ANKHD1: variants seen among roughly 807,000 people sequenced by gnomAD.
The protein encoded by ANKHD1 is ankyrin repeat and KH domain containing 1.
Under a neutral mutation model 230.5 loss-of-function variants are expected in ANKHD1, and 31 were observed. The observed-to-expected ratio is 0.13, with a 90% confidence interval of 0.10 to 0.18. The LOEUF (loss-of-function observed/expected upper bound fraction) is 0.18, where lower values mean the gene tolerates loss of function less well. Ranked by LOEUF, ANKHD1 falls within the 10% of genes least tolerant of loss-of-function variation. The pLI is 1.00. For missense variants in ANKHD1, 2,256 were observed against 3,071.3 expected, an observed-to-expected ratio of 0.73 and a Z score of 6.27; for synonymous variants, 1,074 against 1,117.6, an observed-to-expected ratio of 0.96 and a Z score of 0.78.
chr5:140,459,113 TTTA>T, intron 8 of ANKHD1, 48 bp from the exon 9 acceptor site: 1 of 1,386,858 alleles, frequency 7.2e-7, no homozygotes. Flanking sequence ...AATTAATATC[TTTA>T]TTATAAGTCT....
chr5:140,508,154 T>C (rs920494073), intron 20 of ANKHD1, among the ~76,000 whole-genome samples, 156 bp downstream of exon 20: 7 of 152,216 alleles, frequency 4.6e-5, no homozygotes, highest in African/African-American at 1.7e-4. Flanking sequence ...GTGAGTGACA[T>C]ACTGTCACCA....
At chr5:140,403,837 G>A (rs977436550) in intron 1 of ANKHD1, among the ~76,000 whole-genome samples, 7 of 152,138 alleles carry the variant, frequency 4.6e-5, no homozygotes, top group Non-Finnish European at 8.8e-5. Context: ...ATTTCTCTGT[G>A]TGTACTAACA....
chr5:140,441,027 T>G lies in ANKHD1; in HGVS notation c.798T>G (p.Asp266Glu). ...VLLAMHANVE[D>E]RGNKGDITPL... ...TTGCTATGCATGCTAATGTTGAAGATCGAGGGAATAAAGGAGACATAACTC... is the reference window on the plus strand; with the variant it reads ...TTGCTATGCATGCTAATGTTGAAGAGCGAGGGAATAAAGGAGACATAACTC... Residue 266 changes from aspartate (D) to glutamate (E), a missense_variant, in exon 5 of 34, where the codon GAT becomes GAG. Coordinates refer to ENST00000360839, the MANE Select transcript of ANKHD1 (RefSeq NM_017747.3). The G allele has an allele frequency of 6.2e-7, 1 of 1,610,496 alleles. No individual in the cohort carries two copies. Among genetic ancestry groups the G allele is most frequent in the Non-Finnish European group, 8.5e-7 (1 of 1,178,824 alleles).
At chr5:140,499,447 GAATTTTACTTTAGAAGTA>G (rs1454986243) in intron 15 of ANKHD1, among the ~76,000 whole-genome samples, 1 of 151,942 alleles carries the variant, frequency 6.6e-6, no homozygotes, top group Non-Finnish European at 1.5e-5. Context: ...TTCTACTTTA[GAATTTTACTTTAGAAGTA>G]AATTTTACTT....
At chr5:140,492,006 T>C (rs1258438157) in intron 14 of ANKHD1, among the ~76,000 whole-genome samples, 1 of 152,162 alleles carries the variant, frequency 6.6e-6, no homozygotes, top group East Asian at 1.9e-4. Context: ...GGAAACGAGA[T>C]TGAAAACAGA....
intron 1 of ANKHD1, among the ~76,000 whole-genome samples, chr5:140,420,267 T>G (rs911575021): frequency 2.6e-5 from 4 of 151,774 alleles, no homozygotes; most frequent in Non-Finnish European, 5.9e-5. Context: ...TGGGATTATA[T>G]GCATGAGCCA....
rs761886547 is a variant in ANKHD1 at position 140,509,642 on chromosome 5, T to A, written c.3771T>A (p.Gly1257=). The change falls in exon 21 of 34, where the codon GGT becomes GGA. Residue 1257 remains glycine (G), a synonymous_variant. Transcript: ENST00000360839. The part of the protein sequence containing the change: ...KANVEHRAKT[G]LTPLMEAASG... ...TAATTTATTGGTTTAAACAGACGGG[T>A]CTTACCCCCTTGATGGAAGCAGCTT... is the stretch of plus-strand genomic sequence containing the variant. 6.4e-7 allele frequency: 1 copy of A among 1,574,254 alleles called. No individual in the cohort carries two copies. The highest frequency in any genetic ancestry group is 1.2e-5 in the South Asian group (1 of 83,792).
intron 1 of ANKHD1, among the ~76,000 whole-genome samples, chr5:140,419,818 CTTTCTTTCTTTCTTTCTTT>C (rs1771771259): frequency 1.6e-5 from 2 of 127,338 alleles, no homozygotes; most frequent in Admixed American, 1.6e-4. Flanking sequence ...TTCTTTCTTT[CTTTCTTTCTTTCTTTCTTT>C]TTCTTTCTCT....
intron 2 of ANKHD1, among the ~76,000 whole-genome samples, chr5:140,437,779 C>A (rs182334682): frequency 1.3e-5 from 2 of 152,230 alleles, no homozygotes; most frequent in African/African-American, 4.8e-5. Flanking sequence ...GTATTTATTT[C>A]TTTATTCACT....
At position 140,419,794 on chromosome 5, in the gene ANKHD1, CTTTCTTTCTTTCTTTCTTTCTTTCTT is replaced by C. The variant is rs1561690868; in HGVS notation, c.307-16308_307-16283del. Among the ~76,000 whole-genome samples the C allele has an allele frequency of 5.3e-3, 722 of 137,032 alleles. 10 individuals carry two copies. The highest frequency in any genetic ancestry group is 8.1e-3 in the Non-Finnish European group (520 of 64,368). The allele number at this position is 137,032 out of a possible 152,430, so 89.9% of individuals were successfully genotyped here. A position where few individuals can be genotyped will look rare whatever the true frequency, so the allele number is the denominator to read the frequency against. On this transcript the variant is annotated intron_variant, in intron 1 of 33. Transcript: ENST00000360839. ...TTTCTTTTTCTTTCTTTCTTTCTTT[CTTTCTTTCTTTCTTTCTTTCTTTCTT>C]TCTTTCTTTCTTTCTTTTTCTTTCT...
chr5:140,522,600 T>C (rs1753401811), intron 24 of ANKHD1, among the ~76,000 whole-genome samples: 1 of 152,226 alleles, frequency 6.6e-6, no homozygotes, highest in Non-Finnish European at 1.5e-5. Flanking sequence ...GATCATGATG[T>C]TTTTTCTTTT....
At chr5:140,448,983 A>G (rs574807183) in intron 6 of ANKHD1, among the ~76,000 whole-genome samples, 54 of 152,314 alleles carry the variant, frequency 3.5e-4, no homozygotes, top group Non-Finnish European at 5.9e-4. Context: ...AACTTGAATT[A>G]TGTGCCTTGG....
chr5:140,476,888 TAG>T (rs1750998870), intron 10 of ANKHD1, among the ~76,000 whole-genome samples: 1 of 152,156 alleles, frequency 6.6e-6, no homozygotes, highest in Non-Finnish European at 1.5e-5. Context: ...AAGGATGTGT[TAG>T]AGAGTTTAAA....
intron 3 of ANKHD1, among the ~76,000 whole-genome samples, chr5:140,439,534 G>A (rs1773695069): frequency 6.6e-6 from 1 of 152,212 alleles, no homozygotes; most frequent in Non-Finnish European, 1.5e-5. Context: ...GCCAGCTGTG[G>A]TGGCACACAT....
rs1753702876 is a variant in ANKHD1, at chr5:140,528,722, G to T, written c.5776G>T (p.Ala1926Ser). 6.2e-7 allele frequency: 1 copy of T among 1,614,176 alleles called. No individual in the cohort carries two copies. The highest frequency in any genetic ancestry group is 2.2e-5 in the East Asian group (1 of 44,884). Residue 1926 changes from alanine to serine, a missense_variant, in exon 29 of 34, where the codon GCT (alanine) becomes TCT (serine). By Grantham distance (99) the Ala-to-Ser change is moderately conservative (BLOSUM62 1). Coordinates refer to ENST00000360839, the MANE Select transcript of ANKHD1 (RefSeq NM_017747.3). The part of the protein sequence containing the change: ...QNGTVLPSES[A>S]GLATASCPIT... Reference sequence around the variant, plus strand: ...CGGGACTGTTTTACCCTCAGAGTCTGCTGGACTAGCTACTGCCAGTTGTCC... The same window carrying T: ...CGGGACTGTTTTACCCTCAGAGTCTTCTGGACTAGCTACTGCCAGTTGTCC...
chr5:140,472,157 T>G (rs1249398502), intron 10 of ANKHD1: 2 of 1,114,412 alleles, frequency 1.8e-6, no homozygotes, highest in Non-Finnish European at 2.7e-6. Context: ...CCATCTGAAG[T>G]ATCGGTCACA....
At chr5:140,531,895 A>G (rs1753841162) in intron 29 of ANKHD1, among the ~76,000 whole-genome samples, 1 of 152,174 alleles carries the variant, frequency 6.6e-6, no homozygotes, top group African/African-American at 2.4e-5. Context: ...ATAGAATGTA[A>G]TATTTTGTAT....
intron 33 of ANKHD1, 90 bp downstream of exon 33, chr5:140,539,173 T>G (rs1046049387): frequency 1.4e-5 from 22 of 1,518,386 alleles, no homozygotes; most frequent in Non-Finnish European, 1.9e-5. Context: ...ATATCAAAAG[T>G]CATAATTGAC....
intron 6 of ANKHD1, among the ~76,000 whole-genome samples, chr5:140,447,978 A>G (rs372688674): frequency 3.3e-4 from 51 of 152,288 alleles, no homozygotes; most frequent in African/African-American, 1.2e-3. Context: ...CTGGAGTTCT[A>G]TTATTAAAAA....
Sources: gnomAD v4.1 joint callset for allele counts (sites outside exome capture counted in the v4.1 genomes callset) on GRCh38, gnomAD v4.1.1 for gene constraint, MANE v1.5 for transcripts, NCBI Gene and HGNC (gene_info 2026-07-23, HGNC 2026-07-21) for gene names.